CTNND1: variants seen among roughly 807,000 people sequenced by gnomAD.
CTNND1 encodes catenin delta 1.
A neutral mutation model predicts 112.1 loss-of-function variants in CTNND1; 16 were observed. The ratio of observed to expected loss-of-function variants is 0.14; its 90% CI spans 0.10 to 0.22. CTNND1 has a LOEUF of 0.22. Ranked by LOEUF, CTNND1 falls within the 10% of genes least tolerant of loss-of-function variation. The pLI, the probability that CTNND1 is intolerant of heterozygous loss-of-function variation, is 1.00. For synonymous variants in CTNND1, 420 were observed against 446.5 expected, an observed-to-expected ratio of 0.94 and a Z score of 0.75; for missense variants, 1,008 against 1,257.0, an observed-to-expected ratio of 0.80 and a Z score of 3.00.
chr11:57,773,636 T>A (rs535031118), intron 1 of CTNND1, among the ~76,000 whole-genome samples: 1,651 of 150,678 alleles, frequency 0.011, 36 homozygotes, highest in African/African-American at 0.038. Flanking sequence ...TTTTTTTTTT[T>A]AAATTAAAAA....
chr11:57,765,446 C>T (rs1223426492), intron 1 of CTNND1, among the ~76,000 whole-genome samples: 3 of 148,882 alleles, frequency 2.0e-5, no homozygotes, highest in Non-Finnish European at 4.4e-5. Flanking sequence ...ACCTTTTATG[C>T]GTCTCCTCCC....
chr11:57,791,915 G>GT (rs926076839), intron 3 of CTNND1, among the ~76,000 whole-genome samples: 1 of 152,138 alleles, frequency 6.6e-6, no homozygotes, highest in African/African-American at 2.4e-5. Context: ...GCTGGAGTAG[G>GT]TTTTTTGGGG....
At chr11:57,783,062 G>T (rs1591334389) in intron 1 of CTNND1, among the ~76,000 whole-genome samples, 1 of 152,118 alleles carries the variant, frequency 6.6e-6, no homozygotes, top group East Asian at 1.9e-4. Flanking sequence ...AAGGCTGGTG[G>T]GTCACTTGAG....
At chr11:57,786,753 C>A (rs185515355) in intron 1 of CTNND1, among the ~76,000 whole-genome samples, 4 of 152,258 alleles carry the variant, frequency 2.6e-5, no homozygotes, top group Admixed American at 2.0e-4. Context: ...CCCACTCATA[C>A]ATTCCTTTTC....
At chr11:57,809,201 CAGTTA>C in intron 14 of CTNND1, 68 bp from the exon 15 acceptor site, 1 of 1,040,754 alleles carries the variant, frequency 9.6e-7, no homozygotes, top group Non-Finnish European at 1.5e-6. Flanking sequence ...ATGATTAATG[CAGTTA>C]AGTATAATGT....
At chr11:57,802,873 T>C (rs1398173663) in intron 7 of CTNND1, among the ~76,000 whole-genome samples, 1 of 152,210 alleles carries the variant, frequency 6.6e-6, no homozygotes, top group Non-Finnish European at 1.5e-5. Context: ...TGCCCTGCCC[T>C]GAGGACATTT....
intron 1 of CTNND1, among the ~76,000 whole-genome samples, chr11:57,778,132 C>T (rs1591278408): frequency 6.6e-6 from 1 of 151,974 alleles, no homozygotes; most frequent in East Asian, 1.9e-4. Context: ...TAGTGGTTGT[C>T]CTCTCATTCT....
Position 57,796,826 on chromosome 11 carries a change from C to T in CTNND1, c.790C>T (p.Arg264Trp), listed in dbSNP as rs770665127. Residue 264 changes from arginine to tryptophan, a missense_variant, in exon 6 of 21, where the codon CGG (arginine) becomes TGG (tryptophan). This residue lies in a region of CTNND1 where 404 missense variants were observed against 457.9 expected (regional missense o/e 0.88). Transcript: ENST00000399050. ...QDVYGPQPQV[R>W]VGGSSVDLHR... ...TGTGTATGGGCCCCAACCCCAGGTTCGGGTAGGTGGGAGCAGCGTGGATCT... is the reference window on the plus strand; with the variant it reads ...TGTGTATGGGCCCCAACCCCAGGTTTGGGTAGGTGGGAGCAGCGTGGATCT... 9.9e-6 allele frequency: 16 copies of T among 1,610,528 alleles called. No individual in the cohort carries two copies. The highest frequency in any genetic ancestry group is 1.6e-4 in the Middle Eastern group (1 of 6,062).
intron 16 of CTNND1, among the ~76,000 whole-genome samples, chr11:57,811,062 A>G (rs2063298890): frequency 6.6e-6 from 1 of 152,170 alleles, no homozygotes; most frequent in Non-Finnish European, 1.5e-5. Context: ...ATGTCATAAC[A>G]TACTTTAGGT....
intron 1 of CTNND1, among the ~76,000 whole-genome samples, chr11:57,769,712 C>T (rs1399240065): frequency 1.3e-5 from 2 of 152,078 alleles, no homozygotes; most frequent in Non-Finnish European, 2.9e-5. Flanking sequence ...TAACAGTTAA[C>T]ATAAAGACGT....
At chr11:57,767,808 C>T (rs547909775) in intron 1 of CTNND1, among the ~76,000 whole-genome samples, 3 of 149,636 alleles carry the variant, frequency 2.0e-5, no homozygotes, top group East Asian at 1.9e-4. Flanking sequence ...ACTCAAATTT[C>T]GTTTGTTGAA....
chr11:57,791,435 C>A lies in CTNND1; in HGVS notation c.-44C>A. On this transcript the variant is annotated 5_prime_UTR_variant, in exon 3 of 21. Transcript: ENST00000399050. ...TCCTTCTCCTTCCTCTGTGATTCAC[C>A]TTCCTTTTTACCCTGCCCTGCGGCG... The A allele has an allele frequency of 1.4e-6, 2 of 1,394,122 alleles. No homozygotes were observed. The highest frequency in any genetic ancestry group is 1.5e-5 in the African/African-American group (1 of 66,948). 86.4% of individuals were successfully genotyped at this position (1,394,122 alleles called of 1,614,324 possible). A position where few individuals can be genotyped will look rare whatever the true frequency, so the allele number is the denominator to read the frequency against.
At chr11:57,814,443 A>T (rs373036513) in intron 18 of CTNND1, 70 bp downstream of exon 18, 2 of 1,228,166 alleles carry the variant, frequency 1.6e-6, no homozygotes, top group South Asian at 1.3e-5. Context: ...GTCTAGCTCT[A>T]TAGTTTTTTT....
intron 16 of CTNND1, among the ~76,000 whole-genome samples, 167 bp downstream of exon 16, chr11:57,810,390 G>A (rs981072438): frequency 2.6e-5 from 4 of 151,596 alleles, no homozygotes; most frequent in East Asian, 2.0e-4. Flanking sequence ...GTGAAGTGGC[G>A]CAATCTCGGC....
chr11:57,815,703 G>A, intron 19 of CTNND1: 1 of 783,454 alleles, frequency 1.3e-6, no homozygotes, highest in Non-Finnish European at 2.3e-6. Context: ...AAGCATGTCT[G>A]TAAAAGTGTT....
intron 10 of CTNND1, 107 bp from the exon 11 acceptor site, chr11:57,806,354 C>G (rs1346377552): frequency 3.5e-5 from 38 of 1,081,268 alleles, no homozygotes; most frequent in Non-Finnish European, 5.1e-5. Context: ...CTTTTCTTCT[C>G]TGTGCTTCCC....
intron 6 of CTNND1, among the ~76,000 whole-genome samples, chr11:57,797,809 T>C (rs1289956058): frequency 8.9e-6 from 1 of 111,918 alleles, no homozygotes; most frequent in Non-Finnish European, 1.7e-5. Context: ...GCCATTGCAC[T>C]CCAGCCTGGG....
chr11:57,793,940 A>G, intron 3 of CTNND1, 70 bp from the exon 4 acceptor site: 1 of 1,505,998 alleles, frequency 6.6e-7, no homozygotes, highest in Non-Finnish European at 9.2e-7. Context: ...TTTGAAAAAA[A>G]GATCGTTTGT....
rs766690581 is a variant in CTNND1 at position 57,805,984 on chromosome 11, A to G, written c.1825A>G (p.Asn609Asp). 3.0e-5 allele frequency: 49 copies of G among 1,612,570 alleles called. No individual in the cohort carries two copies. In the Admixed American group the frequency reaches 8.2e-4, roughly 27 times the overall value. The change falls in exon 10 of 21, where the codon AAC becomes GAC. Residue 609 changes from asparagine (N) to aspartate (D), a missense_variant. By Grantham distance (23) the Asn-to-Asp change is conservative. Coordinates refer to ENST00000399050, the MANE Select transcript of CTNND1 (RefSeq NM_001085458.2). ...RYQEAAPNVA[N>D]NTGPHAASCF... ...CCAAGAGGCAGCTCCCAATGTTGCCAACAATACTGGGCCACATGCTGCCAG... is the reference window on the plus strand; with the variant it reads ...CCAAGAGGCAGCTCCCAATGTTGCCGACAATACTGGGCCACATGCTGCCAG...
Sources: gnomAD v4.1 joint callset for allele counts (sites outside exome capture counted in the v4.1 genomes callset) on GRCh38, gnomAD v4.1.1 for gene constraint, gnomAD v4.1.1 regional missense constraint, MANE v1.5 for transcripts, NCBI Gene and HGNC (gene_info 2026-07-23, HGNC 2026-07-21) for gene names.